Variants in SCHIP1 observed in about 807,000 individuals in gnomAD.
SCHIP1 encodes schwannomin interacting protein 1.
In SCHIP1, 8 loss-of-function variants were observed where a neutral mutation model predicts 29.7. That is an observed-to-expected ratio of 0.27 (90% CI 0.16 to 0.49). The LOEUF (loss-of-function observed/expected upper bound fraction) is 0.49, where lower values mean the gene tolerates loss of function less well. Among genes scored for constraint, SCHIP1 ranks in the 20% least tolerant of loss-of-function variants. The pLI is 0.99. For missense variants in SCHIP1, 193 were observed against 294.6 expected, an observed-to-expected ratio of 0.66 and a Z score of 2.52; for synonymous variants, 76 against 94.9, an observed-to-expected ratio of 0.80 and a Z score of 1.16.
At chr3:159,721,844 G>A in the SCHIP1 span, 2 of 396,712 alleles carry the variant, frequency 5.0e-6, no homozygotes, top group Non-Finnish European at 1.0e-5. Context: ...TAGCATTGAT[G>A]CTGAGGTCCA....
the SCHIP1 span, among the ~76,000 whole-genome samples, chr3:159,567,012 G>C: frequency 6.6e-6 from 1 of 152,138 alleles, no homozygotes; most frequent in African/African-American, 2.4e-5. Flanking sequence ...TAAATTTTTG[G>C]ACATCTGATA....
chr3:159,890,235 G>A lies in SCHIP1; in HGVS notation c.589+1292G>A, dbSNP rs550066659. Among the ~76,000 whole-genome samples the A allele has an allele frequency of 7.9e-5, 12 of 152,304 alleles. No homozygotes were observed. In the East Asian group the frequency reaches 2.3e-3, roughly 29 times the overall value. On this transcript the variant is annotated intron_variant, in intron 5 of 6. Transcript: ENST00000445224. ...GAAGTCGGAGAGAGAAATGATTCAA[G>A]CTTGGCCATGAGTTGATAATTGTTG... is the stretch of plus-strand genomic sequence containing the variant.
the SCHIP1 span, among the ~76,000 whole-genome samples, chr3:159,701,360 T>C: frequency 6.6e-6 from 1 of 152,182 alleles, no homozygotes; most frequent in Non-Finnish European, 1.5e-5. Context: ...CCCTGCCCCC[T>C]ACACGCACAA....
the SCHIP1 span, among the ~76,000 whole-genome samples, chr3:159,608,414 A>G: frequency 2.0e-5 from 3 of 152,206 alleles, no homozygotes; most frequent in Non-Finnish European, 4.4e-5. Flanking sequence ...CTAGGCCACA[A>G]ACTATTACAA....
At chr3:159,494,059 A>T in the SCHIP1 span, among the ~76,000 whole-genome samples, 1 of 152,368 alleles carries the variant, frequency 6.6e-6, no homozygotes, top group South Asian at 2.1e-4. Flanking sequence ...ACCAACAAGA[A>T]CAAAGACACA....
the SCHIP1 span, among the ~76,000 whole-genome samples, chr3:159,564,525 C>T: frequency 4.3e-3 from 654 of 152,122 alleles, 2 homozygotes; most frequent in African/African-American, 0.012. Flanking sequence ...TACAGACATG[C>T]GCCACCATGC....
the SCHIP1 span, among the ~76,000 whole-genome samples, chr3:159,488,802 C>T: frequency 2.6e-5 from 4 of 152,194 alleles, no homozygotes; most frequent in Admixed American, 6.5e-5. Flanking sequence ...GATAAATATT[C>T]GTCACCAGGT....
chr3:159,574,409 G>A, the SCHIP1 span, among the ~76,000 whole-genome samples: 237 of 152,330 alleles, frequency 1.6e-3, 1 homozygote, highest in African/African-American at 5.5e-3. Context: ...GTCCACTCCA[G>A]ACCTGTTTGC....
At chr3:159,614,583 A>G in the SCHIP1 span, among the ~76,000 whole-genome samples, 14 of 152,142 alleles carry the variant, frequency 9.2e-5, no homozygotes, top group African/African-American at 3.4e-4. Context: ...AATAACACCA[A>G]TATACTCAGT....
chr3:159,677,604 G>A, the SCHIP1 span, among the ~76,000 whole-genome samples: 1 of 152,158 alleles, frequency 6.6e-6, no homozygotes, highest in Non-Finnish European at 1.5e-5. Flanking sequence ...TAGCTTAATT[G>A]AAAACTTCTA....
At chr3:159,823,560 G>A in the SCHIP1 span, among the ~76,000 whole-genome samples, 1 of 152,070 alleles carries the variant, frequency 6.6e-6, no homozygotes, top group Admixed American at 6.6e-5. Flanking sequence ...GCTTGGTAGA[G>A]GTCAGTTTCC....
the SCHIP1 span, among the ~76,000 whole-genome samples, chr3:159,397,331 A>G: frequency 1.3e-5 from 2 of 152,166 alleles, no homozygotes; most frequent in Non-Finnish European, 2.9e-5. Context: ...CGTTAAAGTC[A>G]TTCTCCGTCC....
At chr3:159,864,192 T>C (rs748338207) in intron 1 of SCHIP1, among the ~76,000 whole-genome samples, 157 of 152,130 alleles carry the variant, frequency 1.0e-3, no homozygotes, top group Non-Finnish European at 1.7e-3. Context: ...AATAAAGGTG[T>C]CAAGTGATGT....
At chr3:159,672,972 G>T in the SCHIP1 span, among the ~76,000 whole-genome samples, 2 of 152,150 alleles carry the variant, frequency 1.3e-5, no homozygotes, top group Non-Finnish European at 2.9e-5. Context: ...TCACACCACA[G>T]GAATGAGAGA....
chr3:159,875,244 TAATA>T (rs1387176812), intron 2 of SCHIP1, among the ~76,000 whole-genome samples: 1 of 152,224 alleles, frequency 6.6e-6, no homozygotes, highest in Non-Finnish European at 1.5e-5. Context: ...TTTCTTTGTC[TAATA>T]AATAGTCTCA....
the SCHIP1 span, among the ~76,000 whole-genome samples, chr3:159,558,578 T>A: frequency 6.6e-6 from 1 of 152,084 alleles, no homozygotes; most frequent in Non-Finnish European, 1.5e-5. Context: ...TCCATGGAGC[T>A]GGAGGAAAAG....
the SCHIP1 span, among the ~76,000 whole-genome samples, chr3:159,402,071 A>G: frequency 2.0e-5 from 3 of 152,190 alleles, no homozygotes; most frequent in African/African-American, 7.2e-5. Flanking sequence ...AATGAACTCA[A>G]ACAAATTTAC....
the SCHIP1 span, among the ~76,000 whole-genome samples, chr3:159,712,303 T>C: frequency 2.0e-5 from 3 of 152,176 alleles, no homozygotes. Context: ...AAAGTAAAAA[T>C]CCATTTTATT....
At chr3:159,660,966 G>A in the SCHIP1 span, among the ~76,000 whole-genome samples, 1 of 152,132 alleles carries the variant, frequency 6.6e-6, no homozygotes, top group Non-Finnish European at 1.5e-5. Context: ...TATACTGAGT[G>A]TATACGAATG....
Sources: gnomAD v4.1 joint callset for allele counts (sites outside exome capture counted in the v4.1 genomes callset) on GRCh38, gnomAD v4.1.1 for gene constraint, MANE v1.5 for transcripts, NCBI Gene and HGNC (gene_info 2026-07-23, HGNC 2026-07-21) for gene names.